The following GLYATL2 variants were observed in gnomAD, a reference collection of about 807,000 sequenced individuals.
GLYATL2 encodes glycine-N-acyltransferase like 2.
In GLYATL2, 25 loss-of-function variants were observed where a neutral mutation model predicts 21.4. The ratio of observed to expected loss-of-function variants is 1.17; its 90% confidence interval spans 0.85 to 1.63. The LOEUF is 1.63. Among genes scored for constraint, GLYATL2 ranks in the 40% most tolerant of loss-of-function variants. GLYATL2 has a pLI of 0.00. For synonymous variants in GLYATL2, 114 were observed against 118.2 expected (o/e 0.96, Z 0.23); for missense variants, 361 against 343.3 (o/e 1.05, Z -0.41).
At position 58,838,364 on chromosome 11, in the gene GLYATL2, T is replaced by TTATCTTTTATGTTGAAA. The variant is rs1374488124; in HGVS notation, c.82_83insTTTCAACATAAAAGATA (p.Tyr28PhefsTer4). On this transcript the variant is annotated stop_gained and frameshift_variant, in exon 3 of 6. Transcript: ENST00000287275. LOFTEE classifies it high-confidence loss of function. ...ATCTTTTATGTTGAAAATGGCGCCA[T>TTATCTTTTATGTTGAAA]ATACCTACGATGCAACAGAACAAAG... The TTATCTTTTATGTTGAAA allele has an allele frequency of 6.3e-7, 1 of 1,594,838 alleles. No individual in the cohort carries two copies. The highest frequency in any genetic ancestry group is 1.7e-5 in the Admixed American group (1 of 59,844).
chr11:58,901,195 G>T (rs1854734119), intron 1 of GLYATL2, among the ~76,000 whole-genome samples: 1 of 152,142 alleles, frequency 6.6e-6, no homozygotes, highest in African/African-American at 2.4e-5. Flanking sequence ...CAGGCGGGGC[G>T]GTTGACCAGC....
chr11:58,834,852 A>C lies in GLYATL2; in HGVS notation c.477-15T>G. 6.5e-7 allele frequency: 1 copy of C among 1,542,778 alleles called. No individual in the cohort carries two copies. The highest frequency in any genetic ancestry group is 8.7e-7 in the Non-Finnish European group (1 of 1,146,464). Reference sequence around the variant, plus strand: ...AGTTTCCTTCCCTGTGAAGAAAAAGAATTTTACATTTATTCAGCCAATATT... The same window carrying C: ...AGTTTCCTTCCCTGTGAAGAAAAAGCATTTTACATTTATTCAGCCAATATT... On this transcript the variant is annotated splice_polypyrimidine_tract_variant and intron_variant, in intron 5 of 5. Transcript: ENST00000287275.
At chr11:58,888,802 G>A (rs1307174560) in intron 1 of GLYATL2, among the ~76,000 whole-genome samples, 1 of 151,738 alleles carries the variant, frequency 6.6e-6, no homozygotes, top group Non-Finnish European at 1.5e-5. Flanking sequence ...ATTATGCAAT[G>A]TACACAATTG....
At chr11:58,845,341 C>T (rs1266512507), upstream of GLYATL2, among the ~76,000 whole-genome samples, 5 of 152,118 alleles carry the variant, frequency 3.3e-5, no homozygotes, top group East Asian at 1.9e-4. Flanking sequence ...TGGCTCACAT[C>T]GGTAATACCA....
chr11:58,862,150 G>A (rs570010606), intron 1 of GLYATL2, among the ~76,000 whole-genome samples: 5 of 152,224 alleles, frequency 3.3e-5, no homozygotes, highest in South Asian at 2.1e-4. Flanking sequence ...GCTCTCAGCC[G>A]ATAAGCTTCT....
At chr11:58,896,879 A>G (rs1033367350) in intron 1 of GLYATL2, among the ~76,000 whole-genome samples, 1 of 152,146 alleles carries the variant, frequency 6.6e-6, no homozygotes, top group Non-Finnish European at 1.5e-5. Flanking sequence ...TTTGGTCCAC[A>G]CCTTGATCCC....
intron 1 of GLYATL2, among the ~76,000 whole-genome samples, chr11:58,899,786 A>G (rs896640040): frequency 1.3e-5 from 2 of 152,072 alleles, no homozygotes; most frequent in Non-Finnish European, 2.9e-5. Context: ...AAGTGTGCCT[A>G]ATATTTATTT....
chr11:58,870,381 G>T (rs922556634), intron 1 of GLYATL2, among the ~76,000 whole-genome samples: 1 of 152,196 alleles, frequency 6.6e-6, no homozygotes, highest in Admixed American at 6.5e-5. Context: ...GGAGGTGACT[G>T]GAGTCTAAGT....
chr11:58,861,139 TTTC>T (rs1853923801), intron 1 of GLYATL2, among the ~76,000 whole-genome samples: 1 of 152,056 alleles, frequency 6.6e-6, no homozygotes, highest in Non-Finnish European at 1.5e-5. Flanking sequence ...TCTTGTTCGA[TTTC>T]TTGGAAGGGT....
intron 1 of GLYATL2, among the ~76,000 whole-genome samples, chr11:58,897,145 C>A (rs1854649242): frequency 6.6e-6 from 1 of 152,200 alleles, no homozygotes; most frequent in Non-Finnish European, 1.5e-5. Flanking sequence ...ATGGACAGCA[C>A]TAAAATTCCA....
intron 1 of GLYATL2, among the ~76,000 whole-genome samples, chr11:58,851,803 C>T (rs1853746068): frequency 6.6e-6 from 1 of 152,088 alleles, no homozygotes; most frequent in Non-Finnish European, 1.5e-5. Context: ...GATGGCAAGC[C>T]ACTGGAAAGT....
chr11:58,851,381 G>A (rs1255714297), intron 1 of GLYATL2, among the ~76,000 whole-genome samples: 5 of 152,128 alleles, frequency 3.3e-5, no homozygotes, highest in Non-Finnish European at 7.3e-5. Flanking sequence ...TTGATATGGT[G>A]TATCGCACTG....
rs145734125 is a variant in GLYATL2, at chr11:58,874,710, T to G, written n.60+29446A>C. On this transcript the variant is annotated intron_variant and non_coding_transcript_variant, in intron 1 of 4. Coordinates refer to the GLYATL2 transcript ENST00000533636. Reference sequence around the variant, plus strand: ...TGCTGAGGAGTTCTTTACTTCCAACTATGTGGTCAATTTTGTAGTAGTTGT... The same window carrying G: ...TGCTGAGGAGTTCTTTACTTCCAACGATGTGGTCAATTTTGTAGTAGTTGT... 2.3e-3 allele frequency among the ~76,000 whole-genome samples: 350 copies of G among 152,368 alleles called. 6 individuals carry two copies. In the South Asian group the frequency reaches 0.035, roughly 15 times the overall value.
upstream of GLYATL2, chr11:58,905,716 CGGGATGGGT>C: frequency 7.2e-6 from 1 of 139,398 alleles, no homozygotes. Flanking sequence ...TCGCTGGGAC[CGGGATGGGT>C]CATCTGGACA....
upstream of GLYATL2, among the ~76,000 whole-genome samples, chr11:58,908,809 C>T (rs949655943): frequency 3.3e-5 from 5 of 152,156 alleles, no homozygotes; most frequent in African/African-American, 4.8e-5. Flanking sequence ...AAAGTACACA[C>T]AGGCAAAAAT....
chr11:58,886,178 C>T (rs1854436430), intron 1 of GLYATL2, among the ~76,000 whole-genome samples: 1 of 152,138 alleles, frequency 6.6e-6, no homozygotes, highest in African/African-American at 2.4e-5. Context: ...GATCACACCA[C>T]TGTACTGAAG....
chr11:58,895,694 A>G (rs1854622495), intron 1 of GLYATL2, among the ~76,000 whole-genome samples: 1 of 152,160 alleles, frequency 6.6e-6, no homozygotes, highest in South Asian at 2.1e-4. Flanking sequence ...TCTTTTAATA[A>G]AAAACCAGCC....
chr11:58,855,059 T>G (rs1175705340), intron 1 of GLYATL2, among the ~76,000 whole-genome samples: 1 of 152,214 alleles, frequency 6.6e-6, no homozygotes, highest in African/African-American at 2.4e-5. Flanking sequence ...AGGATTGGAA[T>G]CACCTTCTTC....
intron 1 of GLYATL2, among the ~76,000 whole-genome samples, chr11:58,864,681 T>G (rs1853993296): frequency 6.7e-6 from 1 of 149,236 alleles, no homozygotes; most frequent in Non-Finnish European, 1.5e-5. Flanking sequence ...TCATCTTTTC[T>G]TATTTCTCTG....
Sources: allele counts gnomAD v4.1 joint callset (sites outside exome capture counted in the v4.1 genomes callset), GRCh38; gene constraint gnomAD v4.1.1; transcripts MANE v1.5; gene names NCBI Gene and HGNC (gene_info 2026-07-23, HGNC 2026-07-21).